TXN: variants seen among roughly 807,000 people sequenced by gnomAD.
TXN encodes the protein thioredoxin.
Under a neutral mutation model 16.5 loss-of-function variants are expected in TXN, and 10 were observed. That is an observed-to-expected ratio of 0.61 (90% CI 0.37 to 1.03). The LOEUF (loss-of-function observed/expected upper bound fraction) is 1.03. TXN is among the 50% of genes least tolerant of loss of function. The probability of loss-of-function intolerance (pLI) is 0.01; values close to 1 mark genes in which losing one functional copy is unlikely to be tolerated. For missense variants in TXN, 71 were observed against 122.5 expected (o/e 0.58, Z 1.98); for synonymous variants, 35 against 39.4 (o/e 0.89, Z 0.42).
chr9:110,249,078 G>A (rs1319683441), intron 3 of TXN, among the ~76,000 whole-genome samples: 1 of 122,618 alleles, frequency 8.2e-6, no homozygotes, highest in Non-Finnish European at 1.6e-5. Context: ...AGTGAGCCGA[G>A]ATCATGCCAC....
At chr9:110,249,022 G>C (rs2118571036) in intron 3 of TXN, among the ~76,000 whole-genome samples, 1 of 147,212 alleles carries the variant, frequency 6.8e-6, no homozygotes, top group East Asian at 2.1e-4. Flanking sequence ...CAGCTACCCA[G>C]GAGGCTGAGA....
At chr9:110,248,218 A>C (rs1009210805) in intron 3 of TXN, among the ~76,000 whole-genome samples, 10 of 152,216 alleles carry the variant, frequency 6.6e-5, no homozygotes, top group Admixed American at 4.6e-4. Flanking sequence ...AAAATTTGTA[A>C]GCATACAGTG....
Position 110,248,364 on chromosome 9 carries a change from A to T in TXN, c.189+2456T>A, listed in dbSNP as rs1837683648. Among the ~76,000 whole-genome samples, 3 of 152,300 alleles carry T rather than the reference A, an allele frequency of 2.0e-5. No homozygotes were observed. The South Asian group carries it at 6.2e-4, about 32-fold the overall frequency. ...AAGGCATACCATTTTTTAATCTTTC[A>T]TATCATGTTTTCACCATACCTTTTC... On this transcript the variant is annotated intron_variant, in intron 3 of 4. Transcript: ENST00000374517.
chr9:110,251,967 T>G (rs1837744139), intron 1 of TXN, among the ~76,000 whole-genome samples: 1 of 152,130 alleles, frequency 6.6e-6, no homozygotes, highest in Non-Finnish European at 1.5e-5. Flanking sequence ...GGCTCACACC[T>G]GTAATCTCAG....
intron 1 of TXN, 124 bp from the exon 2 acceptor site, chr9:110,251,586 CAAAAAAAAAAAA>C (rs5899890): frequency 6.2e-4 from 35 of 56,316 alleles, no homozygotes; most frequent in South Asian, 2.7e-3. Context: ...ACTTTTTAGC[CAAAAAAAAAAAA>C]AAAAAAAAAA....
chr9:110,246,337 T>TAAC (rs1016456516), intron 3 of TXN, among the ~76,000 whole-genome samples: 19 of 152,172 alleles, frequency 1.2e-4, no homozygotes, highest in African/African-American at 4.6e-4. Context: ...AGCTCAAAGG[T>TAAC]AATTGAAGTA....
intron 1 of TXN, among the ~76,000 whole-genome samples, chr9:110,252,164 C>A (rs1371136519): frequency 1.5e-5 from 2 of 131,294 alleles, no homozygotes; most frequent in Non-Finnish European, 3.1e-5. Context: ...GCGGAGGTTG[C>A]AGTGAGCCAA....
At position 110,256,448 on chromosome 9, in the gene TXN, A is replaced by C; in HGVS notation, c.-13T>G. On this transcript the variant is annotated 5_prime_UTR_variant, in exon 1 of 5. Transcript: ENST00000374517. This position sits in a 1 kb window ranked among gnomAD's most constrained non-coding sequence, Gnocchi z 4.2. ...TCTGCTTCACCATCTTGGCTGCTGG[A>C]GTCTGACGAGCGGCTGTAAGGACCG... The C allele has an allele frequency of 6.2e-7, 1 of 1,605,604 alleles. No individual in the cohort carries two copies. Among genetic ancestry groups the C allele is most frequent in the Non-Finnish European group, 8.5e-7 (1 of 1,176,248 alleles).
rs531234630 is a variant in TXN, at chr9:110,249,307, T to A, written c.189+1513A>T. Among the ~76,000 whole-genome samples, 43 of 143,426 alleles carry A rather than the reference T, an allele frequency of 3.0e-4. No homozygotes were observed. In the East Asian group the frequency reaches 5.2e-3, roughly 17 times the overall value. The allele number at this position is 143,426 out of a possible 152,430, so 94.1% of individuals were successfully genotyped here. The stretch of plus-strand genomic sequence containing the variant: ...CACAAAAATGCAATTACACTCTTTT[T>A]AAAAAAAAAAAAACAACTCTGGGAC... On this transcript the variant is annotated intron_variant, in intron 3 of 4. Transcript: ENST00000374517.
chr9:110,249,125 C>CAAAAAA (rs71302631), intron 3 of TXN, among the ~76,000 whole-genome samples: 76 of 53,838 alleles, frequency 1.4e-3, no homozygotes, highest in South Asian at 1.9e-3. Context: ...AACTCCATCT[C>CAAAAAA]AAAAAAAAAA....
At chr9:110,248,937 AC>A (rs1837690848) in intron 3 of TXN, among the ~76,000 whole-genome samples, 1 of 151,710 alleles carries the variant, frequency 6.6e-6, no homozygotes, top group Non-Finnish European at 1.5e-5. Flanking sequence ...ACATGGTGAA[AC>A]CCCGTCTCTA....
chr9:110,251,404 G>T lies in TXN; in HGVS notation c.83C>A (p.Ser28Ter). ...AGDKLVVVDFSATWCGPCKMI... is the reference protein window; with the variant it reads ...AGDKLVVVDF The stretch of plus-strand genomic sequence containing the variant: ...TTTGCAAGGCCCACACCACGTGGCT[G>T]AGAAGTCAACTACTACAAGTTTATC... Residue 28 changes from serine to a stop codon, truncating the protein, a stop_gained, in exon 2 of 5, where the codon TCA (serine) becomes TAA (stop). Transcript: ENST00000374517. LOFTEE classifies it high-confidence loss of function. 1 of 1,612,074 alleles carries T rather than the reference G, an allele frequency of 6.2e-7. No individual in the cohort carries two copies. Among genetic ancestry groups the T allele is most frequent in the South Asian group, 1.1e-5 (1 of 90,988 alleles).
At chr9:110,245,645 TATA>T (rs1478218893) in intron 3 of TXN, among the ~76,000 whole-genome samples, 933 of 33,362 alleles carry the variant, frequency 0.028, 89 homozygotes, top group Non-Finnish European at 0.037. Context: ...TATATATATA[TATA>T]TATATATTTT....
At chr9:110,245,440 G>A (rs955615067) in intron 3 of TXN, among the ~76,000 whole-genome samples, 1 of 150,214 alleles carries the variant, frequency 6.7e-6, no homozygotes, top group East Asian at 2.0e-4. Flanking sequence ...GGGTCTGGCT[G>A]TGTCACCCAG....
intron 3 of TXN, among the ~76,000 whole-genome samples, chr9:110,247,266 T>A (rs1837671238): frequency 6.8e-6 from 1 of 146,618 alleles, no homozygotes; most frequent in South Asian, 2.1e-4. Context: ...GAGGTTGCAG[T>A]GAGCAGAGAT....
Position 110,244,863 on chromosome 9 carries a change from A to G in TXN, c.190-20T>C, listed in dbSNP as rs2118560955. Reference sequence around the variant, plus strand: ...AACATCCTGGTAGGGAAAGTAGCAAAGGGAGAGGATTAAATACAAGACTGC... The same window carrying G: ...AACATCCTGGTAGGGAAAGTAGCAAGGGGAGAGGATTAAATACAAGACTGC... On this transcript the variant is annotated intron_variant, in intron 3 of 4. Transcript: ENST00000374517. 6.2e-7 allele frequency: 1 copy of G among 1,606,084 alleles called. No individual in the cohort carries two copies. Among genetic ancestry groups the G allele is most frequent in the Non-Finnish European group, 8.5e-7 (1 of 1,173,084 alleles).
rs1837624560 is a variant in TXN at position 110,244,674 on chromosome 9, G to T, written c.255+104C>A. On this transcript the variant is annotated intron_variant, in intron 4 of 4. Transcript: ENST00000374517. ...TAAAAATTCTTAAAAGCAGAACTTGGTGATATGCCTCAATCTTTAAAGGGA... is the reference window on the plus strand; with the variant it reads ...TAAAAATTCTTAAAAGCAGAACTTGTTGATATGCCTCAATCTTTAAAGGGA... The T allele has an allele frequency of 1.0e-5, 10 of 995,668 alleles. No homozygotes were observed. In the East Asian group the frequency reaches 2.5e-4, roughly 25 times the overall value. 61.7% of individuals were successfully genotyped at this position (995,668 alleles called of 1,614,324 possible).
chr9:110,245,861 T>C (rs1237442136), intron 3 of TXN, among the ~76,000 whole-genome samples: 2 of 151,104 alleles, frequency 1.3e-5, no homozygotes, highest in African/African-American at 4.9e-5. Flanking sequence ...GGTCAGGAGT[T>C]CGAGACTAGC....
In TXN at chr9:110,244,025, G is replaced by T; in HGVS notation, c.*132C>A. 1 of 384,516 alleles carries T rather than the reference G, an allele frequency of 2.6e-6. No individual in the cohort carries two copies. Among genetic ancestry groups the T allele is most frequent in the Non-Finnish European group, 4.7e-6 (1 of 212,560 alleles). The allele number at this position is 384,516 out of a possible 1,614,324, so 23.8% of individuals were successfully genotyped here. A position where few individuals can be genotyped will look rare whatever the true frequency, so the allele number is the denominator to read the frequency against. ...TTCAGACATGAGACGGTTTTAAAAA[G>T]TGTTAGCATTAATGTTTTATTGTCA... On this transcript the variant is annotated 3_prime_UTR_variant, in exon 5 of 5. Coordinates refer to ENST00000374517, the MANE Select transcript of TXN (RefSeq NM_003329.4).
Sources: allele counts gnomAD v4.1 joint callset (sites outside exome capture counted in the v4.1 genomes callset), GRCh38; gene constraint gnomAD v4.1.1; non-coding constraint Gnocchi (gnomAD v3.1); transcripts MANE v1.5; gene names NCBI Gene and HGNC (gene_info 2026-07-23, HGNC 2026-07-21).